Variants in SPTLC1 observed in about 807,000 individuals in gnomAD.
The protein encoded by SPTLC1 is serine palmitoyltransferase long chain base subunit 1.
A neutral mutation model predicts 68.9 loss-of-function variants in SPTLC1; 55 were observed. The ratio of observed to expected loss-of-function variants is 0.80; its 90% CI spans 0.64 to 1.00. The LOEUF (loss-of-function observed/expected upper bound fraction) is 1.00, where lower values mean the gene tolerates loss of function less well. Ranked by LOEUF, SPTLC1 falls within the 50% of genes least tolerant of loss-of-function variation. The probability of loss-of-function intolerance (pLI) is 0.00; values close to 1 mark genes in which losing one functional copy is unlikely to be tolerated. For missense variants in SPTLC1, 449 were observed against 573.1 expected, an observed-to-expected ratio of 0.78 and a Z score of 2.21; for synonymous variants, 197 against 201.6, an observed-to-expected ratio of 0.98 and a Z score of 0.19.
At chr9:92,054,076 G>A in intron 8 of SPTLC1, 1 of 324,132 alleles carries the variant, frequency 3.1e-6, no homozygotes, top group Non-Finnish European at 4.4e-6. Context: ...GAGGTTGGGA[G>A]TTCAAGACCA....
At chr9:92,034,920 T>C in intron 13 of SPTLC1, 37 bp from the exon 14 acceptor site, 2 of 1,545,876 alleles carry the variant, frequency 1.3e-6, no homozygotes, top group Non-Finnish European at 1.8e-6. Context: ...CAACCTGGAC[T>C]TCAGACATGG....
intron 13 of SPTLC1, 46 bp from the exon 14 acceptor site, chr9:92,034,929 G>A (rs750841250): frequency 1.9e-5 from 29 of 1,500,266 alleles, no homozygotes; most frequent in Non-Finnish European, 2.7e-5. Flanking sequence ...CTTCAGACAT[G>A]GTGGTAATTA....
At chr9:92,058,743 A>G (rs1833981785) in intron 7 of SPTLC1, among the ~76,000 whole-genome samples, 1 of 152,190 alleles carries the variant, frequency 6.6e-6, no homozygotes, top group South Asian at 2.1e-4. Context: ...CTTTGTTCAT[A>G]TATTAATATA....
At chr9:92,070,414 G>C (rs1354578297) in intron 5 of SPTLC1, 2 of 152,180 alleles carry the variant, frequency 1.3e-5, no homozygotes, top group Non-Finnish European at 2.9e-5. Flanking sequence ...CTGTAGATTT[G>C]CATGGAATAA....
chr9:92,045,788 G>C (rs1357500329), intron 12 of SPTLC1, among the ~76,000 whole-genome samples: 1 of 152,082 alleles, frequency 6.6e-6, no homozygotes, highest in Non-Finnish European at 1.5e-5. Context: ...TTATTAATGA[G>C]TTTGTTTCAT....
intron 12 of SPTLC1, among the ~76,000 whole-genome samples, 178 bp downstream of exon 12, chr9:92,045,821 T>C (rs1000630055): frequency 3.3e-5 from 5 of 152,190 alleles, no homozygotes; most frequent in African/African-American, 1.2e-4. Flanking sequence ...AAAGTCACGA[T>C]TCTTTAAAAC....
In SPTLC1 at chr9:92,052,534, A is replaced by AT. The variant is rs201242481; in HGVS notation, c.781-2468dup. Among the ~76,000 whole-genome samples, 106 of 147,508 alleles carry AT rather than the reference A, an allele frequency of 7.2e-4. 1 individual carries two copies. Among genetic ancestry groups the AT allele is most frequent in the Admixed American group, 1.7e-3 (25 of 14,836 alleles). ...GGATTAAACAAAGATTATTATTATTATTTTTTTTTTTTTGAGACAGAGTCT... is the reference window on the plus strand; with the variant it reads ...GGATTAAACAAAGATTATTATTATTATTTTTTTTTTTTTTGAGACAGAGTCT... On this transcript the variant is annotated intron_variant, in intron 8 of 14. Transcript: ENST00000262554.
chr9:92,055,870 C>G (rs1286572347), intron 7 of SPTLC1, among the ~76,000 whole-genome samples: 1 of 152,216 alleles, frequency 6.6e-6, no homozygotes, highest in African/African-American at 2.4e-5. Flanking sequence ...GGTATAATCA[C>G]TGGTCAAAAT....
intron 3 of SPTLC1, among the ~76,000 whole-genome samples, chr9:92,097,662 C>T (rs1835579527): frequency 6.6e-6 from 1 of 152,102 alleles, no homozygotes; most frequent in Non-Finnish European, 1.5e-5. Flanking sequence ...AAGGCCTGGG[C>T]AGAGGAAGGA....
intron 3 of SPTLC1, among the ~76,000 whole-genome samples, chr9:92,093,868 T>C (rs548900013): frequency 1.3e-5 from 2 of 152,230 alleles, no homozygotes; most frequent in Non-Finnish European, 2.9e-5. Flanking sequence ...TACTGTAATA[T>C]TTGCAGGTAG....
intron 3 of SPTLC1, among the ~76,000 whole-genome samples, chr9:92,097,713 G>A (rs7025703): frequency 0.11 from 16,414 of 152,170 alleles, 1,915 homozygotes; most frequent in African/African-American, 0.3. Flanking sequence ...TTCTTTTGGG[G>A]TGATAAAAAT....
intron 10 of SPTLC1, 65 bp downstream of exon 10, chr9:92,047,548 T>G: frequency 9.2e-7 from 1 of 1,083,490 alleles, no homozygotes; most frequent in Non-Finnish European, 1.4e-6. Flanking sequence ...TTCAAAATTA[T>G]ATTTTGAGGT....
At chr9:92,078,134 CTTCT>C (rs747438427) in intron 5 of SPTLC1, among the ~76,000 whole-genome samples, 7 of 152,138 alleles carry the variant, frequency 4.6e-5, no homozygotes, top group Non-Finnish European at 8.8e-5. Flanking sequence ...TCCCAAACAA[CTTCT>C]TTACTTCCTA....
intron 3 of SPTLC1, among the ~76,000 whole-genome samples, chr9:92,092,805 G>T (rs1374446674): frequency 4.6e-5 from 7 of 152,128 alleles, no homozygotes; most frequent in African/African-American, 1.7e-4. Flanking sequence ...CTTAAACACA[G>T]AAAAGTTCAT....
intron 3 of SPTLC1, among the ~76,000 whole-genome samples, chr9:92,098,445 C>T (rs1292816422): frequency 9.9e-5 from 15 of 152,162 alleles, no homozygotes; most frequent in Admixed American, 9.8e-4. Flanking sequence ...TGTCTCGCCC[C>T]TCAGCCTTAT....
In SPTLC1 at chr9:92,062,476, C is replaced by A. The variant is rs1036701583; in HGVS notation, c.561-3168G>T. 4.6e-5 allele frequency among the ~76,000 whole-genome samples: 7 copies of A among 152,144 alleles called. No individual in the cohort carries two copies. In the East Asian group the frequency reaches 1.4e-3, roughly 29 times the overall value. On this transcript the variant is annotated intron_variant, in intron 6 of 14. Coordinates refer to ENST00000262554, the MANE Select transcript of SPTLC1 (RefSeq NM_006415.4). The stretch of plus-strand genomic sequence containing the variant: ...ACAGAAAATCACCAAGACAGAAGAA[C>A]CCAAAAACACCATCAACCAAAAAGA...
At chr9:92,048,243 C>T (rs1833587394) in intron 9 of SPTLC1, among the ~76,000 whole-genome samples, 1 of 152,184 alleles carries the variant, frequency 6.6e-6, no homozygotes, top group African/African-American at 2.4e-5. Context: ...CTAAAATGAC[C>T]TAATGGGCTT....
rs1019261252 is a variant in SPTLC1 at position 92,055,479 on chromosome 9, G to A, written c.706C>T (p.Arg236Cys). Residue 236 changes from arginine to cysteine, a missense_variant, in exon 8 of 15, where the codon CGT becomes TGT. By Grantham distance (180) the Arg-to-Cys change is radical (BLOSUM62 -3). Coordinates refer to ENST00000262554, the MANE Select transcript of SPTLC1 (RefSeq NM_006415.4). ...IEDQKNPRKA[R>C]VTRRFIVVEG... is the part of the protein sequence containing the mutation. ...ACTACAATGAAACGCCGAGTTACAC[G>A]AGCCTTGCGAGGATTCTTTAAAAGA... 6.8e-6 allele frequency: 11 copies of A among 1,613,404 alleles called. No homozygotes were observed. Among genetic ancestry groups the A allele is most frequent in the Middle Eastern group, 1.6e-4 (1 of 6,084 alleles).
At chr9:92,073,894 T>C (rs192541584) in intron 5 of SPTLC1, among the ~76,000 whole-genome samples, 210 of 152,320 alleles carry the variant, frequency 1.4e-3, no homozygotes, top group African/African-American at 3.8e-3. Context: ...GGGACCTTGC[T>C]TCAAATGTCA....
Sources: gnomAD v4.1 joint callset for allele counts (sites outside exome capture counted in the v4.1 genomes callset) on GRCh38, gnomAD v4.1.1 for gene constraint, MANE v1.5 for transcripts, NCBI Gene and HGNC (gene_info 2026-07-23, HGNC 2026-07-21) for gene names.